The following DCHS1 variants were observed in gnomAD, a reference collection of about 807,000 sequenced individuals.
The protein encoded by DCHS1 is dachsous cadherin-related 1.
DCHS1 carries 78 observed loss-of-function variants against 213.9 expected under a neutral mutation model. That is an observed-to-expected ratio of 0.36 (90% CI 0.30 to 0.44). The LOEUF is 0.44. Among genes scored for constraint, DCHS1 ranks in the 20% least tolerant of loss-of-function variants. The pLI, the probability that DCHS1 is intolerant of heterozygous loss-of-function variation, is 1.00. For synonymous variants in DCHS1, 1,828 were observed against 1,873.7 expected (o/e 0.98, Z 0.63); for missense variants, 3,946 against 4,395.9 (o/e 0.90, Z 2.89).
chr11:6,642,891 T>G (rs941699814), intron 1 of DCHS1, among the ~76,000 whole-genome samples: 2 of 152,108 alleles, frequency 1.3e-5, no homozygotes, highest in Non-Finnish European at 2.9e-5. Context: ...GACACTGCTT[T>G]GATGGTAACT....
At chr11:6,629,006 C>T (rs539328216) in intron 12 of DCHS1, among the ~76,000 whole-genome samples, 176 bp from the exon 13 acceptor site, 8 of 152,278 alleles carry the variant, frequency 5.3e-5, no homozygotes, top group Non-Finnish European at 1.0e-4. Context: ...GTCCTACCTC[C>T]CATGCTTGGT....
chr11:6,649,205 T>C (rs1431554000), intron 1 of DCHS1, among the ~76,000 whole-genome samples: 1 of 150,936 alleles, frequency 6.6e-6, no homozygotes, highest in Admixed American at 6.6e-5. Flanking sequence ...TTTAGAATGA[T>C]CTAGAATGCA....
chr11:6,644,650 T>C (rs1438220903), intron 1 of DCHS1, among the ~76,000 whole-genome samples: 2 of 152,314 alleles, frequency 1.3e-5, no homozygotes, highest in Non-Finnish European at 1.5e-5. Flanking sequence ...GCCTCTTGAT[T>C]CTCCAGCATT....
At position 6,640,302 on chromosome 11, in the gene DCHS1, A is replaced by T. The variant is rs1324037032; in HGVS notation, c.1312T>A (p.Tyr438Asn). Residue 438 changes from tyrosine (Y) to asparagine (N), a missense_variant, in exon 2 of 21, where the codon TAT becomes AAT. Tyr to Asn is a moderately radical substitution (Grantham distance 143). Transcript: ENST00000299441. This position sits in a 1 kb window ranked among gnomAD's most constrained non-coding sequence, Gnocchi z 6.5. ...RRLDREERDA[Y>N]NLRVTATDSG... ...TCTGTGGCTGTAACCCTCAAGTTAT[A>T]GGCATCCCTCTCCTCTCGATCCAGC... 6.2e-7 allele frequency: 1 copy of T among 1,607,622 alleles called. No individual in the cohort carries two copies. Among genetic ancestry groups the T allele is most frequent in the Non-Finnish European group, 8.5e-7 (1 of 1,177,238 alleles).
rs1282608673 is a variant in DCHS1, at chr11:6,621,629, G to A, written c.*150C>T. The A allele has an allele frequency of 3.4e-6, 3 of 874,762 alleles. No individual in the cohort carries two copies. The highest frequency in any genetic ancestry group is 5.5e-6 in the Non-Finnish European group (3 of 543,546). 54.2% of individuals were successfully genotyped at this position (874,762 alleles called of 1,614,324 possible). ...CTTCTGTGGTCCTAGTACTCTGAGG[G>A]GGCTGGGGAGTTCAGGGTGGAGAGC... On this transcript the variant is annotated 3_prime_UTR_variant, in exon 21 of 21. Transcript: ENST00000299441.
rs146434035 is a variant in DCHS1 at position 6,624,228 on chromosome 11, G to A, written c.7448C>T (p.Thr2483Ile). 2,620 of 1,613,182 alleles carry A rather than the reference G, an allele frequency of 1.6e-3. 4 individuals carry two copies. Among genetic ancestry groups the A allele is most frequent in the Non-Finnish European group, 2.1e-3 (2,430 of 1,179,662 alleles). The change falls in exon 21 of 21, where the codon ACA (threonine) becomes ATA (isoleucine). Residue 2483 changes from threonine (T) to isoleucine (I), a missense_variant. This residue lies in a region of DCHS1 where 3,384 missense variants were observed against 3,780.1 expected (regional missense o/e 0.90). Transcript: ENST00000299441. ...CACAGCCACACGGTAGTGTGACAAT[G>A]TGAAGCTCGGGGCGTGGTCGTTCTG... The part of the protein sequence containing the change: ...QDQNDHAPSF[T>I]LSHYRVAVTE...
In DCHS1 at chr11:6,644,589, C is replaced by T. The variant is rs545464399; in HGVS notation, c.-120-2856G>A. Among the ~76,000 whole-genome samples, 273 of 152,368 alleles carry T rather than the reference C, an allele frequency of 1.8e-3. 1 individual carries two copies. The highest frequency in any genetic ancestry group is 2.8e-3 in the Non-Finnish European group (188 of 68,044). ...CAGCCTCGATTTGTTCATGTGTCTG[C>T]CCTCTGCACTGGATTGGAGACTCCT... On this transcript the variant is annotated intron_variant, in intron 1 of 20. Transcript: ENST00000299441.
At chr11:6,653,251 T>A (rs1021106015) in intron 1 of DCHS1, among the ~76,000 whole-genome samples, 2 of 152,200 alleles carry the variant, frequency 1.3e-5, no homozygotes, top group Admixed American at 6.5e-5. Context: ...GGCTTTTACA[T>A]GCTGCTCCCT....
rs756819297 is a variant in DCHS1 at position 6,623,867 on chromosome 11, G to A, written c.7809C>T (p.Thr2603=). Residue 2603 remains threonine (T), a synonymous_variant, in exon 21 of 21, where the codon ACC becomes ACT. Transcript: ENST00000299441. ...LDVNDNPPVF[T]RASYRVTVPE... is the part of the protein sequence containing the mutation. Reference sequence around the variant, plus strand: ...GTACTGTCACACGGTAGGATGCTCGGGTAAAGACAGGTGGGTTGTCATTGA... The same window carrying A: ...GTACTGTCACACGGTAGGATGCTCGAGTAAAGACAGGTGGGTTGTCATTGA... 5.0e-6 allele frequency: 8 copies of A among 1,610,838 alleles called. No individual in the cohort carries two copies. Among genetic ancestry groups the A allele is most frequent in the African/African-American group, 1.3e-5 (1 of 74,878 alleles).
At position 6,623,368 on chromosome 11, in the gene DCHS1, G is replaced by A. The variant is rs1205594059; in HGVS notation, c.8308C>T (p.Arg2770Ter). 2 of 1,597,982 alleles carry A rather than the reference G, an allele frequency of 1.3e-6. No individual in the cohort carries two copies. The highest frequency in any genetic ancestry group is 1.7e-6 in the Non-Finnish European group (2 of 1,172,256). Residue 2770 changes from arginine (R) to a stop codon, truncating the protein, a stop_gained, in exon 21 of 21, where the codon CGA (arginine) becomes TGA (stop). Coordinates refer to ENST00000299441, the MANE Select transcript of DCHS1 (RefSeq NM_003737.4). LOFTEE classifies it high-confidence loss of function. The stretch of plus-strand genomic sequence containing the variant: ...GTGTGCTCATAGTCAAAGGGCACTC[G>A]CGCACGCAACTCCCCTGTTGAGCTG... ...LNSSTGELRA[R>*]VPFDYEHTES...
chr11:6,644,739 C>G (rs530298021), intron 1 of DCHS1, among the ~76,000 whole-genome samples: 1 of 152,218 alleles, frequency 6.6e-6, no homozygotes, highest in Non-Finnish European at 1.5e-5. Flanking sequence ...ACCATACTCA[C>G]GTAACACACT....
At chr11:6,655,377 A>AC (rs1254811114) in intron 1 of DCHS1, among the ~76,000 whole-genome samples, 186 bp downstream of exon 1, 1 of 147,488 alleles carries the variant, frequency 6.8e-6, no homozygotes, top group East Asian at 2.1e-4. Flanking sequence ...GCACACAAAG[A>AC]CCCCCAGGCC....
In DCHS1 at chr11:6,625,807, A is replaced by C; in HGVS notation, c.6732-80T>G. On this transcript the variant is annotated intron_variant, in intron 17 of 20. Coordinates refer to ENST00000299441, the MANE Select transcript of DCHS1 (RefSeq NM_003737.4). The surrounding 1 kb of genome is among the most constrained non-coding windows in gnomAD (Gnocchi z 5.3). ...GCAGGGCCAGGAGGACTCAGGACAG[A>C]GCTTAGGGCTGGGGAATTCAGGATG... 1 of 1,582,660 alleles carries C rather than the reference A, an allele frequency of 6.3e-7. No individual in the cohort carries two copies. Among genetic ancestry groups the C allele is most frequent in the South Asian group, 1.2e-5 (1 of 86,316 alleles).
chr11:6,640,926 C>T lies in DCHS1; in HGVS notation c.688G>A (p.Gly230Ser). Residue 230 changes from glycine (G) to serine (S), a missense_variant, in exon 2 of 21, where the codon GGT (glycine) becomes AGT (serine). Gly to Ser is a moderately conservative substitution (Grantham distance 56). Transcript: ENST00000299441. This position sits in a 1 kb window ranked among gnomAD's most constrained non-coding sequence, Gnocchi z 6.5. ...HYMLQLEAYDGGSPPRRAQAL... is the reference protein window; with the variant it reads ...HYMLQLEAYDSGSPPRRAQAL... ...TGGGCCCTCCGGGGGGGTGAACCAC[C>T]ATCATAGGCCTCCAGCTGTAGCATA... 1.9e-6 allele frequency: 3 copies of T among 1,614,050 alleles called. No homozygotes were observed. The highest frequency in any genetic ancestry group is 2.5e-6 in the Non-Finnish European group (3 of 1,179,904).
In DCHS1 at chr11:6,627,745, G is replaced by A; in HGVS notation, c.5372-78C>T. 1 of 1,461,248 alleles carries A rather than the reference G, an allele frequency of 6.8e-7. No homozygotes were observed. 90.5% of individuals were successfully genotyped at this position (1,461,248 alleles called of 1,614,324 possible). On this transcript the variant is annotated intron_variant, in intron 13 of 20. Coordinates refer to ENST00000299441, the MANE Select transcript of DCHS1 (RefSeq NM_003737.4). This position sits in a 1 kb window ranked among gnomAD's most constrained non-coding sequence, Gnocchi z 5.4. ...TGATTTACAGACAACAGGAGAGAGT[G>A]AGCATGTGCACAAAAGCAAGTGAAC...
rs1267010656 is a variant in DCHS1 at position 6,630,848 on chromosome 11, G to T, written c.3946C>A (p.Arg1316Ser). 45 of 1,524,892 alleles carry T rather than the reference G, an allele frequency of 3.0e-5. No individual in the cohort carries two copies. The highest frequency in any genetic ancestry group is 3.3e-5 in the Non-Finnish European group (37 of 1,132,326). 94.5% of individuals were successfully genotyped at this position (1,524,892 alleles called of 1,614,324 possible). ...QLLVQVLPSA[R>S]LAEPPPDLAE... Reference sequence around the variant, plus strand: ...AGATCTGGGGGCGGCTCGGCCAAGCGAGCTGAGGGAAGCACCTGTTGTGGA... The same window carrying T: ...AGATCTGGGGGCGGCTCGGCCAAGCTAGCTGAGGGAAGCACCTGTTGTGGA... The change falls in exon 10 of 21, where the codon CGC becomes AGC. Residue 1316 changes from arginine (R) to serine (S), a missense_variant. Physicochemically the swap from Arg to Ser is moderately radical, Grantham distance 110 (BLOSUM62 -1). Coordinates refer to ENST00000299441, the MANE Select transcript of DCHS1 (RefSeq NM_003737.4).
chr11:6,650,541 C>T (rs755210702), intron 1 of DCHS1, among the ~76,000 whole-genome samples: 1 of 152,178 alleles, frequency 6.6e-6, no homozygotes, highest in African/African-American at 2.4e-5. Context: ...TTACCACTGA[C>T]AGGCAGGAGA....
At chr11:6,633,098 C>A (rs1855937451) in intron 5 of DCHS1, 42 bp from the exon 6 acceptor site, 1 of 1,559,394 alleles carries the variant, frequency 6.4e-7, no homozygotes, top group African/African-American at 1.4e-5. Flanking sequence ...GATGGAGGGG[C>A]ACTTATTGAG....
chr11:6,635,589 T>C (rs774026861), intron 2 of DCHS1, among the ~76,000 whole-genome samples: 3 of 152,176 alleles, frequency 2.0e-5, no homozygotes, highest in Non-Finnish European at 2.9e-5. Context: ...ATCTGTGCCA[T>C]TGTTTACCCT....
Sources: allele counts gnomAD v4.1 joint callset (sites outside exome capture counted in the v4.1 genomes callset), GRCh38; gene constraint gnomAD v4.1.1; regional missense constraint gnomAD v4.1.1; non-coding constraint Gnocchi (gnomAD v3.1); transcripts MANE v1.5; gene names NCBI Gene and HGNC (gene_info 2026-07-23, HGNC 2026-07-21).